Variants in PTDSS2 observed in about 807,000 individuals in gnomAD.
PTDSS2 encodes phosphatidylserine synthase 2.
In PTDSS2, 41 loss-of-function variants were observed where a neutral mutation model predicts 64.7. That is an observed-to-expected ratio of 0.63 (90% CI 0.49 to 0.82). The LOEUF (loss-of-function observed/expected upper bound fraction) is 0.82. Among genes scored for constraint, PTDSS2 ranks in the 40% least tolerant of loss-of-function variants. PTDSS2 has a pLI of 0.00. For missense variants in PTDSS2, 485 were observed against 650.0 expected, an observed-to-expected ratio of 0.75 and a Z score of 2.76; for synonymous variants, 297 against 277.8, an observed-to-expected ratio of 1.07 and a Z score of -0.69.
chr11:482,284 A>G (rs1246767482), intron 4 of PTDSS2, among the ~76,000 whole-genome samples: 2 of 140,184 alleles, frequency 1.4e-5, no homozygotes, highest in African/African-American at 5.5e-5. Context: ...GTGCAGTGGC[A>G]CGATCTTGGC....
rs574424154 is a variant in PTDSS2 at position 477,762 on chromosome 11, G to A, written c.368-1323G>A. 1.1e-3 allele frequency among the ~76,000 whole-genome samples: 171 copies of A among 152,346 alleles called. 1 individual carries two copies. The highest frequency in any genetic ancestry group is 3.9e-3 in the African/African-American group (163 of 41,588). ...TCCGAAGGCGTCCCCTTCAGTTGGC[G>A]AGCCCTTGTGGGGCGAGGGCTGCCC... On this transcript the variant is annotated intron_variant, in intron 3 of 11. Coordinates refer to ENST00000308020, the MANE Select transcript of PTDSS2 (RefSeq NM_030783.3).
rs1848634829 is a variant in PTDSS2 at position 490,660 on chromosome 11, C to G, written c.*78C>G. ...CCTCCTGTGTGAGTCCCACCAGGAG[C>G]CACGTGCCCGGCCTTGCCCTCAAGG... is the stretch of plus-strand genomic sequence containing the variant. On this transcript the variant is annotated 3_prime_UTR_variant, in exon 12 of 12. Transcript: ENST00000308020. The G allele has an allele frequency of 2.8e-6, 4 of 1,412,278 alleles. No homozygotes were observed. In the Admixed American group the frequency reaches 9.6e-5, roughly 34 times the overall value. 87.5% of individuals were successfully genotyped at this position (1,412,278 alleles called of 1,614,324 possible). A position where few individuals can be genotyped will look rare whatever the true frequency, so the allele number is the denominator to read the frequency against.
At chr11:490,115 G>A (rs776612068) in intron 11 of PTDSS2, 47 bp downstream of exon 11, 17 of 1,544,972 alleles carry the variant, frequency 1.1e-5, no homozygotes, top group African/African-American at 4.1e-5. Flanking sequence ...GCCGCTGTCC[G>A]GGTCCCTTGG....
intron 1 of PTDSS2, among the ~76,000 whole-genome samples, chr11:451,820 C>T (rs750593992): frequency 6.6e-6 from 1 of 152,170 alleles, no homozygotes; most frequent in Admixed American, 6.5e-5. Context: ...GGAGGCCCCA[C>T]GCAGGGTCTT....
chr11:473,989 T>C lies in PTDSS2; in HGVS notation c.367+12T>C. ...CAGACCTCATCCAGGTAACTTGCCA[T>C]TTCCTTTTCCGTGTGCCCCTGTGGC... On this transcript the variant is annotated intron_variant, in intron 3 of 11. Coordinates refer to ENST00000308020, the MANE Select transcript of PTDSS2 (RefSeq NM_030783.3). The C allele has an allele frequency of 6.2e-7, 1 of 1,606,688 alleles. No homozygotes were observed. The highest frequency in any genetic ancestry group is 8.5e-7 in the Non-Finnish European group (1 of 1,173,252).
intron 2 of PTDSS2, among the ~76,000 whole-genome samples, chr11:465,758 C>CCA (rs1554950100): frequency 2.0e-5 from 3 of 150,738 alleles, no homozygotes; most frequent in African/African-American, 7.4e-5. Context: ...GGACCACCCC[C>CCA]CCCCCATCTC....
rs1419338743 is a variant in PTDSS2, at chr11:460,437, A to G, written c.284+149A>G. 6.2e-6 allele frequency: 4 copies of G among 643,574 alleles called. No homozygotes were observed. The highest frequency in any genetic ancestry group is 1.1e-5 in the Non-Finnish European group (4 of 359,764). 39.9% of individuals were successfully genotyped at this position (643,574 alleles called of 1,614,324 possible). A position where few individuals can be genotyped will look rare whatever the true frequency, so the allele number is the denominator to read the frequency against. On this transcript the variant is annotated intron_variant, in intron 2 of 11. Coordinates refer to ENST00000308020, the MANE Select transcript of PTDSS2 (RefSeq NM_030783.3). This position sits in a 1 kb window ranked among gnomAD's most constrained non-coding sequence, Gnocchi z 5.8. ...CCGGCCTCTCCCTTGAGTGTGTCTG[A>G]TGTGCAGACTCCAGGGCTGCCCTTG...
At chr11:466,669 A>G (rs977035806) in intron 2 of PTDSS2, among the ~76,000 whole-genome samples, 5 of 152,072 alleles carry the variant, frequency 3.3e-5, no homozygotes, top group African/African-American at 4.8e-5. Context: ...TCGGCCTCCC[A>G]AAGTGCTGAG....
intron 9 of PTDSS2, 27 bp downstream of exon 9, chr11:489,541 G>A (rs186849620): frequency 0.01 from 16,754 of 1,609,508 alleles, 100 homozygotes; most frequent in Non-Finnish European, 0.013. Flanking sequence ...TCGCGACGGC[G>A]CGGCGGGCGG....
intron 2 of PTDSS2, 141 bp from the exon 3 acceptor site, chr11:473,754 C>T: frequency 1.5e-6 from 1 of 686,332 alleles, no homozygotes; most frequent in African/African-American, 2.0e-5. Flanking sequence ...CGGAGTCGCC[C>T]AGCTCTGCCC....
At chr11:485,568 CCGTG>C (rs137909922) in intron 4 of PTDSS2, among the ~76,000 whole-genome samples, 128 of 86,060 alleles carry the variant, frequency 1.5e-3, no homozygotes, top group African/African-American at 2.2e-3. Flanking sequence ...CGTGTGCTCA[CCGTG>C]TGCGCAGGCG....
chr11:474,226 C>G (rs1054688936), intron 3 of PTDSS2, among the ~76,000 whole-genome samples: 6 of 152,238 alleles, frequency 3.9e-5, no homozygotes, highest in Admixed American at 6.5e-5. Flanking sequence ...CCAGGGCTCT[C>G]CAGCCCTTCT....
At chr11:471,254 C>T (rs1847413271) in intron 2 of PTDSS2, among the ~76,000 whole-genome samples, 1 of 151,990 alleles carries the variant, frequency 6.6e-6, no homozygotes, top group Non-Finnish European at 1.5e-5. Context: ...TGCCACCACA[C>T]CTGGCTAATT....
At chr11:487,178 G>T in intron 5 of PTDSS2, 105 bp downstream of exon 5, 1 of 1,178,120 alleles carries the variant, frequency 8.5e-7, no homozygotes, top group Non-Finnish European at 1.2e-6. Context: ...CCACACTTGG[G>T]GTCTCCTGGT....
At chr11:463,984 CTTTT>C (rs879444829) in intron 2 of PTDSS2, 1 of 148,650 alleles carries the variant, frequency 6.7e-6, no homozygotes, top group East Asian at 2.0e-4. Flanking sequence ...TTTTCTTTTT[CTTTT>C]TTTTTTCTTT....
chr11:460,283 C>G lies in PTDSS2; in HGVS notation c.279C>G (p.Thr93=). ...CACCTCAGGACACGGCCTACAACAC[C>G]AAGAGGTAAGCTGCCCTCTTGTCCT... ...EETPQDTAYN[T]KRGIVASILV... is the part of the protein sequence containing the mutation. Residue 93 remains threonine, a synonymous_variant, in exon 2 of 12, where the codon ACC becomes ACG. Transcript: ENST00000308020. The surrounding 1 kb of genome is among the most constrained non-coding windows in gnomAD (Gnocchi z 5.8). 6.2e-7 allele frequency: 1 copy of G among 1,613,360 alleles called. No individual in the cohort carries two copies. Among genetic ancestry groups the G allele is most frequent in the Non-Finnish European group, 8.5e-7 (1 of 1,179,270 alleles).
At chr11:489,210 G>A (rs1459094822) in intron 8 of PTDSS2, 190 bp from the exon 9 acceptor site, 12 of 606,672 alleles carry the variant, frequency 2.0e-5, no homozygotes, top group Middle Eastern at 4.3e-4. Context: ...GAGAACAGCC[G>A]GGCAGCAGCT....
At chr11:468,566 G>C (rs2133789087) in intron 2 of PTDSS2, among the ~76,000 whole-genome samples, 1 of 152,364 alleles carries the variant, frequency 6.6e-6, no homozygotes, top group East Asian at 1.9e-4. Context: ...GGAAGGTGCT[G>C]AGTAACTTTG....
chr11:462,483 C>T lies in PTDSS2; in HGVS notation c.284+2195C>T, dbSNP rs372916536. Among the ~76,000 whole-genome samples the T allele has an allele frequency of 1.3e-5, 2 of 152,370 alleles. No homozygotes were observed. The highest frequency in any genetic ancestry group is 4.8e-5 in the African/African-American group (2 of 41,580). ...CCCAACTCACATTCTCTTTCCCCCTCACCCTCTTTGAGGGCACAAAAGAAG... is the reference window on the plus strand; with the variant it reads ...CCCAACTCACATTCTCTTTCCCCCTTACCCTCTTTGAGGGCACAAAAGAAG... On this transcript the variant is annotated intron_variant, in intron 2 of 11. Coordinates refer to ENST00000308020, the MANE Select transcript of PTDSS2 (RefSeq NM_030783.3). The surrounding 1 kb of genome is among the most constrained non-coding windows in gnomAD (Gnocchi z 4.5).
Sources: gnomAD v4.1 joint callset for allele counts (sites outside exome capture counted in the v4.1 genomes callset) on GRCh38, gnomAD v4.1.1 for gene constraint, Gnocchi (gnomAD v3.1) non-coding constraint, MANE v1.5 for transcripts, NCBI Gene and HGNC (gene_info 2026-07-23, HGNC 2026-07-21) for gene names.